The following MYT1L variants were observed in gnomAD, a reference collection of about 807,000 sequenced individuals.
The protein encoded by MYT1L is myelin transcription factor 1 like.
A neutral mutation model predicts 126.7 loss-of-function variants in MYT1L; 12 were observed. The ratio of observed to expected loss-of-function variants is 0.09; its 90% CI spans 0.06 to 0.15. The LOEUF is 0.15. Ranked by LOEUF, MYT1L falls within the 10% of genes least tolerant of loss-of-function variation. MYT1L has a pLI of 1.00. For missense variants in MYT1L, 979 were observed against 1,585.2 expected, an observed-to-expected ratio of 0.62 and a Z score of 6.49; for synonymous variants, 541 against 604.2, an observed-to-expected ratio of 0.90 and a Z score of 1.53.
intron 1 of MYT1L, among the ~76,000 whole-genome samples, chr2:2,298,124 C>A (rs1054732090): frequency 2.0e-5 from 3 of 151,938 alleles, no homozygotes; most frequent in African/African-American, 7.3e-5. Flanking sequence ...TTTTATGAAG[C>A]CTGGCTTTTA....
chr2:2,309,605 A>G (rs536609756), intron 1 of MYT1L, among the ~76,000 whole-genome samples: 5 of 149,280 alleles, frequency 3.3e-5, no homozygotes, highest in Admixed American at 1.3e-4. Flanking sequence ...AGTGTACTCT[A>G]TCATCTACAC....
intron 2 of MYT1L, among the ~76,000 whole-genome samples, chr2:2,200,804 T>C (rs1572400197): frequency 6.6e-6 from 1 of 152,116 alleles, no homozygotes; most frequent in Non-Finnish European, 1.5e-5. Flanking sequence ...TCGGCTCCGG[T>C]GTGTTGCTGA....
intron 4 of MYT1L, among the ~76,000 whole-genome samples, chr2:2,023,630 T>C (rs1295698096): frequency 6.6e-6 from 1 of 151,580 alleles, no homozygotes; most frequent in Non-Finnish European, 1.5e-5. Flanking sequence ...GCTGTTTTTT[T>C]TTTTTTCAAA....
intron 2 of MYT1L, among the ~76,000 whole-genome samples, chr2:2,196,880 G>C (rs1210999470): frequency 6.6e-6 from 1 of 151,976 alleles, no homozygotes; most frequent in Non-Finnish European, 1.5e-5. Context: ...TGTGAAAGTA[G>C]TACACAGGAC....
intron 1 of MYT1L, among the ~76,000 whole-genome samples, chr2:2,323,623 A>G (rs2096206720): frequency 6.6e-6 from 1 of 152,230 alleles, no homozygotes; most frequent in African/African-American, 2.4e-5. Context: ...TGATGACAAT[A>G]GAAAATTAGG....
chr2:2,094,790 GA>G lies in MYT1L; in HGVS notation c.-303-40668del, dbSNP rs1360685037. ...CCTGCTGTGGGGTGGGGGGAGGGGG[GA>G]GCGATAGCATTAGGAGATATACCTA... On this transcript the variant is annotated intron_variant, in intron 3 of 24. Transcript: ENST00000647738. Among the ~76,000 whole-genome samples, 620 of 150,940 alleles carry G rather than the reference GA, an allele frequency of 4.1e-3. 4 individuals carry two copies. The highest frequency in any genetic ancestry group is 0.014 in the African/African-American group (588 of 41,104).
chr2:1,941,977 C>A (rs1323768891), intron 9 of MYT1L, among the ~76,000 whole-genome samples: 1 of 152,118 alleles, frequency 6.6e-6, no homozygotes, highest in Non-Finnish European at 1.5e-5. Context: ...GTATGGAGGC[C>A]CTACCCACTG....
At chr2:1,867,371 C>T (rs751113113) in intron 18 of MYT1L, among the ~76,000 whole-genome samples, 1 of 152,172 alleles carries the variant, frequency 6.6e-6, no homozygotes, top group Non-Finnish European at 1.5e-5. Context: ...GCTCTCACCC[C>T]GGTGCCCCAC....
chr2:2,121,727 C>T (rs1444690185), intron 3 of MYT1L, among the ~76,000 whole-genome samples: 2 of 152,118 alleles, frequency 1.3e-5, no homozygotes, highest in Non-Finnish European at 2.9e-5. Context: ...CCTCGTGATC[C>T]GCCCACCTCG....
chr2:1,862,865 A>C (rs2044879416), intron 18 of MYT1L, among the ~76,000 whole-genome samples: 1 of 152,148 alleles, frequency 6.6e-6, no homozygotes, highest in Non-Finnish European at 1.5e-5. Flanking sequence ...AAAATCAAGA[A>C]GGAGAGAGGT....
rs1456658637 is a variant in MYT1L, at chr2:1,912,809, C to T, written c.1619-699G>A. ...TGGTGCAAGGATGCTACTGGCTGGT[C>T]GGCAGGGGAGAGCTGCTTGAATTTT... On this transcript the variant is annotated intron_variant, in intron 11 of 24. Coordinates refer to ENST00000647738, the MANE Select transcript of MYT1L (RefSeq NM_001303052.2). This position sits in a 1 kb window ranked among gnomAD's most constrained non-coding sequence, Gnocchi z 4.3. 1.3e-5 allele frequency among the ~76,000 whole-genome samples: 2 copies of T among 152,118 alleles called. No homozygotes were observed. The highest frequency in any genetic ancestry group is 2.9e-5 in the Non-Finnish European group (2 of 68,022).
intron 4 of MYT1L, among the ~76,000 whole-genome samples, chr2:1,999,515 T>C (rs2062167085): frequency 6.6e-6 from 1 of 151,998 alleles, no homozygotes; most frequent in Non-Finnish European, 1.5e-5. Flanking sequence ...TAAAGACAAA[T>C]GGAAAATATG....
chr2:2,011,800 T>C (rs2063854233), intron 4 of MYT1L, among the ~76,000 whole-genome samples: 1 of 152,178 alleles, frequency 6.6e-6, no homozygotes, highest in Non-Finnish European at 1.5e-5. Context: ...TCATCAGAGA[T>C]GTATAAATCA....
chr2:1,870,039 A>T (rs1402622941), intron 18 of MYT1L, among the ~76,000 whole-genome samples: 1 of 151,512 alleles, frequency 6.6e-6, no homozygotes, highest in African/African-American at 2.4e-5. Context: ...ACGATTTTTC[A>T]GAGCCGAGAA....
chr2:2,121,488 CTTTTTGTTTTTTGAG>C (rs2081006392), intron 3 of MYT1L, among the ~76,000 whole-genome samples: 1 of 149,208 alleles, frequency 6.7e-6, no homozygotes, highest in Non-Finnish European at 1.5e-5. Context: ...TTCTTTGTTG[CTTTTTGTTTTTTGAG>C]ATGGAGTTTG....
At chr2:1,842,583 C>G (rs1228057772) in intron 19 of MYT1L, 1 of 152,296 alleles carries the variant, frequency 6.6e-6, no homozygotes, top group Admixed American at 6.5e-5. Flanking sequence ...CTGTGCTTCC[C>G]CCGACCTTTC....
rs545575869 is a variant in MYT1L, at chr2:2,228,146, C to T, written c.-420-55158G>A. 3.7e-4 allele frequency among the ~76,000 whole-genome samples: 56 copies of T among 152,300 alleles called. No homozygotes were observed. Among genetic ancestry groups the T allele is most frequent in the African/African-American group, 1.3e-3 (54 of 41,564 alleles). Reference sequence around the variant, plus strand: ...ATTACAGATAATATAATCATCATCACTATCATCAGTATAATCATTACCTAC... The same window carrying T: ...ATTACAGATAATATAATCATCATCATTATCATCAGTATAATCATTACCTAC... On this transcript the variant is annotated intron_variant, in intron 2 of 24. Coordinates refer to ENST00000647738, the MANE Select transcript of MYT1L (RefSeq NM_001303052.2). The surrounding 1 kb of genome is among the most constrained non-coding windows in gnomAD (Gnocchi z 5.9).
chr2:2,104,517 G>A (rs756378122), intron 3 of MYT1L, among the ~76,000 whole-genome samples: 2 of 152,238 alleles, frequency 1.3e-5, no homozygotes, highest in Non-Finnish European at 2.9e-5. Context: ...GGGCAGGATG[G>A]CTGGAGAACG....
chr2:1,876,278 C>A (rs1305408389), intron 18 of MYT1L, among the ~76,000 whole-genome samples: 2 of 152,160 alleles, frequency 1.3e-5, no homozygotes, highest in African/African-American at 4.8e-5. Flanking sequence ...TGGGCCTGAG[C>A]CCCAGAGTCT....
Sources: allele counts gnomAD v4.1 joint callset (sites outside exome capture counted in the v4.1 genomes callset), GRCh38; gene constraint gnomAD v4.1.1; non-coding constraint Gnocchi (gnomAD v3.1); transcripts MANE v1.5; gene names NCBI Gene and HGNC (gene_info 2026-07-23, HGNC 2026-07-21).